Variants in CRTC1 observed in about 807,000 individuals in gnomAD.
CRTC1 encodes CREB-regulated transcription coactivator 1.
A neutral mutation model predicts 66.1 loss-of-function variants in CRTC1; 18 were observed. That is an observed-to-expected ratio of 0.27 (90% confidence interval 0.19 to 0.40). CRTC1 has a LOEUF of 0.40. Ranked by LOEUF, CRTC1 falls within the 10% of genes least tolerant of loss-of-function variation. The probability of loss-of-function intolerance (pLI) is 1.00; values close to 1 mark genes in which losing one functional copy is unlikely to be tolerated. For synonymous variants in CRTC1, 416 were observed against 398.8 expected (o/e 1.04, Z -0.51); for missense variants, 669 against 887.9 (o/e 0.75, Z 3.13).
At chr19:18,747,292 G>A (rs28758485) in intron 4 of CRTC1, among the ~76,000 whole-genome samples, 178 bp downstream of exon 4, 1 of 152,068 alleles carries the variant, frequency 6.6e-6, no homozygotes, top group African/African-American at 2.4e-5. Context: ...CCAGCTTTGG[G>A]AGGTCTTCTA....
chr19:18,714,182 A>G (rs1261127447), intron 1 of CRTC1, among the ~76,000 whole-genome samples: 12 of 152,146 alleles, frequency 7.9e-5, no homozygotes, highest in African/African-American at 2.9e-4. Flanking sequence ...TGCCCCAGAA[A>G]TCAGGAATCA....
At position 18,781,717 on chromosome 19, in the gene CRTC1, C is replaced by T. The variant is rs1013511640; in HGVS notation, c.*4335C>T. 4 of 231,022 alleles carry T rather than the reference C, an allele frequency of 1.7e-5. No homozygotes were observed. Among genetic ancestry groups the T allele is most frequent in the Non-Finnish European group, 3.4e-5 (4 of 116,786 alleles). 14.3% of individuals were successfully genotyped at this position (231,022 alleles called of 1,614,324 possible). Reference sequence around the variant, plus strand: ...CCTGCAGGTCTCAGGGCCCCGGGCTCCTCCTGGGCAGGATGGGGGGCAGGG... The same window carrying T: ...CCTGCAGGTCTCAGGGCCCCGGGCTTCTCCTGGGCAGGATGGGGGGCAGGG... On this transcript the variant is annotated 3_prime_UTR_variant, in exon 14 of 14. Transcript: ENST00000321949.
intron 1 of CRTC1, among the ~76,000 whole-genome samples, chr19:18,738,856 G>A (rs2054053804): frequency 6.6e-6 from 1 of 152,238 alleles, no homozygotes; most frequent in Non-Finnish European, 1.5e-5. Context: ...GTGACTTGGG[G>A]GGCTGCTTCT....
intron 1 of CRTC1, among the ~76,000 whole-genome samples, chr19:18,706,527 C>T (rs1241047440): frequency 6.6e-6 from 1 of 152,002 alleles, no homozygotes; most frequent in Admixed American, 6.6e-5. Flanking sequence ...TTATGTTTCT[C>T]TTTATGCCAG....
chr19:18,730,737 C>G (rs899588137), intron 1 of CRTC1, among the ~76,000 whole-genome samples: 3 of 152,162 alleles, frequency 2.0e-5, no homozygotes, highest in Admixed American at 6.5e-5. Context: ...ATCCCTGCCC[C>G]CTCTGGGCCC....
At chr19:18,717,091 A>C (rs1474671370) in intron 1 of CRTC1, among the ~76,000 whole-genome samples, 4 of 151,962 alleles carry the variant, frequency 2.6e-5, no homozygotes, top group Admixed American at 2.6e-4. Flanking sequence ...GTGTGCACAC[A>C]TGTGGCTGGG....
In CRTC1 at chr19:18,768,375, T is replaced by C. The variant is rs967903661; in HGVS notation, c.1012-110T>C. ...CACCCAGCCCAGGGGCTGCCTGTGA[T>C]CACAGGGCCCTTCCACCTCGCCTGC... On this transcript the variant is annotated intron_variant, in intron 9 of 13. Coordinates refer to ENST00000321949, the MANE Select transcript of CRTC1 (RefSeq NM_015321.3). This position sits in a 1 kb window ranked among gnomAD's most constrained non-coding sequence, Gnocchi z 5.6. The C allele has an allele frequency of 1.1e-6, 1 of 883,096 alleles. No individual in the cohort carries two copies. The highest frequency in any genetic ancestry group is 1.7e-5 in the African/African-American group (1 of 58,112). 54.7% of individuals were successfully genotyped at this position (883,096 alleles called of 1,614,324 possible). A position where few individuals can be genotyped will look rare whatever the true frequency, so the allele number is the denominator to read the frequency against.
At position 18,723,671 on chromosome 19, in the gene CRTC1, T is replaced by A. The variant is rs531521179; in HGVS notation, c.127-19239T>A. ...GAGAACTCTGGAGGGCAAGGGGGCATCTGGTTGGTATTTCTGCCTGATTGC... is the reference window on the plus strand; with the variant it reads ...GAGAACTCTGGAGGGCAAGGGGGCAACTGGTTGGTATTTCTGCCTGATTGC... On this transcript the variant is annotated intron_variant, in intron 1 of 13. Coordinates refer to ENST00000321949, the MANE Select transcript of CRTC1 (RefSeq NM_015321.3). 2.0e-5 allele frequency among the ~76,000 whole-genome samples: 3 copies of A among 152,288 alleles called. No individual in the cohort carries two copies. In the East Asian group the frequency reaches 5.8e-4, roughly 29 times the overall value.
intron 1 of CRTC1, among the ~76,000 whole-genome samples, chr19:18,704,294 A>G (rs1451511928): frequency 1.3e-5 from 2 of 151,902 alleles, no homozygotes; most frequent in East Asian, 3.9e-4. Flanking sequence ...TTTTGTAGAG[A>G]CGGGGGTCTT....
At chr19:18,727,372 GA>G (rs1198966947) in intron 1 of CRTC1, among the ~76,000 whole-genome samples, 3 of 151,946 alleles carry the variant, frequency 2.0e-5, no homozygotes, top group Non-Finnish European at 4.4e-5. Context: ...ACGAGGTCAG[GA>G]GATCGAGACC....
rs2055056491 is a variant in CRTC1, at chr19:18,779,232, C to T, written c.*1850C>T. The T allele has an allele frequency of 4.3e-6, 1 of 231,228 alleles. No individual in the cohort carries two copies. Among genetic ancestry groups the T allele is most frequent in the Non-Finnish European group, 8.6e-6 (1 of 116,832 alleles). 14.3% of individuals were successfully genotyped at this position (231,228 alleles called of 1,614,324 possible). A position where few individuals can be genotyped will look rare whatever the true frequency, so the allele number is the denominator to read the frequency against. On this transcript the variant is annotated 3_prime_UTR_variant, in exon 14 of 14. Coordinates refer to ENST00000321949, the MANE Select transcript of CRTC1 (RefSeq NM_015321.3). Reference sequence around the variant, plus strand: ...GGGTCCTGGGCACCCTGGCTTCTGTCCTCAGAGCTGGGTTTGATCCTAGCA... The same window carrying T: ...GGGTCCTGGGCACCCTGGCTTCTGTTCTCAGAGCTGGGTTTGATCCTAGCA...
intron 1 of CRTC1, among the ~76,000 whole-genome samples, chr19:18,691,103 G>A (rs1025883728): frequency 2.0e-5 from 3 of 150,784 alleles, no homozygotes; most frequent in Admixed American, 6.6e-5. Flanking sequence ...TTCAGAGGCC[G>A]AGGCAGGAGG....
At chr19:18,773,095 G>A (rs1049499798) in intron 11 of CRTC1, among the ~76,000 whole-genome samples, 1 of 152,222 alleles carries the variant, frequency 6.6e-6, no homozygotes, top group Non-Finnish European at 1.5e-5. Flanking sequence ...TGGCGGTGTT[G>A]TCAAGCCCAT....
At chr19:18,712,558 C>A (rs984792239) in intron 1 of CRTC1, among the ~76,000 whole-genome samples, 1 of 152,198 alleles carries the variant, frequency 6.6e-6, no homozygotes, top group Admixed American at 6.5e-5. Context: ...CCATACCCAG[C>A]CCTAATTAGC....
At chr19:18,772,822 G>A (rs1184765145) in intron 11 of CRTC1, among the ~76,000 whole-genome samples, 1 of 152,178 alleles carries the variant, frequency 6.6e-6, no homozygotes, top group Admixed American at 6.5e-5. Context: ...CTGAGCTCTC[G>A]GGCTCTGGCA....
At chr19:18,706,771 C>A (rs943449602) in intron 1 of CRTC1, among the ~76,000 whole-genome samples, 14 of 152,160 alleles carry the variant, frequency 9.2e-5, no homozygotes, top group Admixed American at 2.6e-4. Flanking sequence ...AGCATCTTTT[C>A]ATGTGCTTAT....
At chr19:18,720,001 C>T (rs1483596223) in intron 1 of CRTC1, among the ~76,000 whole-genome samples, 3 of 152,224 alleles carry the variant, frequency 2.0e-5, no homozygotes, top group Non-Finnish European at 4.4e-5. Flanking sequence ...CCAGCATCCC[C>T]GCCAGTGGTT....
In CRTC1 at chr19:18,775,802, C is replaced by T; in HGVS notation, c.1674C>T (p.Ile558=). ...QQLGYASHSG[I]PNIILTVTGE... ...TGGGATACGCCAGCCACAGTGGCAT[C>T]CCCAACATCATCCTCACAGGTGAGG... The change falls in exon 13 of 14, where the codon ATC becomes ATT. Residue 558 remains isoleucine, a synonymous_variant. Transcript: ENST00000321949. 1 of 1,605,676 alleles carries T rather than the reference C, an allele frequency of 6.2e-7. No homozygotes were observed. Among genetic ancestry groups the T allele is most frequent in the Non-Finnish European group, 8.5e-7 (1 of 1,176,236 alleles).
chr19:18,746,770 A>T (rs1411318895), intron 3 of CRTC1, among the ~76,000 whole-genome samples: 1 of 151,514 alleles, frequency 6.6e-6, no homozygotes, highest in African/African-American at 2.4e-5. Flanking sequence ...ACAGCCCAGA[A>T]CCCCCTCCCT....
Sources: gnomAD v4.1 joint callset for allele counts (sites outside exome capture counted in the v4.1 genomes callset) on GRCh38, gnomAD v4.1.1 for gene constraint, Gnocchi (gnomAD v3.1) non-coding constraint, MANE v1.5 for transcripts, NCBI Gene and HGNC (gene_info 2026-07-23, HGNC 2026-07-21) for gene names.